The following SYT16 variants were observed in gnomAD, a reference collection of about 807,000 sequenced individuals.
SYT16 encodes synaptotagmin 16, also known as synaptotagmin-16.
A neutral mutation model predicts 61.4 loss-of-function variants in SYT16; 42 were observed. The ratio of observed to expected loss-of-function variants is 0.68; its 90% CI spans 0.53 to 0.89. SYT16 has a LOEUF of 0.89. Among genes scored for constraint, SYT16 ranks in the 40% least tolerant of loss-of-function variants. The pLI, the probability that SYT16 is intolerant of heterozygous loss-of-function variation, is 0.00. For synonymous variants in SYT16, 314 were observed against 302.3 expected, an observed-to-expected ratio of 1.04 and a Z score of -0.40; for missense variants, 804 against 807.3, an observed-to-expected ratio of 1.00 and a Z score of 0.05.
At chr14:61,910,605 A>G (rs1210028162) in intron 1 of SYT16, among the ~76,000 whole-genome samples, 1 of 148,824 alleles carries the variant, frequency 6.7e-6, no homozygotes, top group Non-Finnish European at 1.5e-5. Context: ...ATCTCAGCTC[A>G]CTGCAACCTC....
rs76410928 is a variant in SYT16, at chr14:61,906,755, G to A, written c.-324-63377G>A. On this transcript the variant is annotated intron_variant, in intron 1 of 7. Coordinates refer to ENST00000683842, the MANE Select transcript of SYT16 (RefSeq NM_001367656.1). ...CATCCATCCATCCATCCATCCTTCCGTCCGTCCGTCAATCCATCCATCCGT... is the reference window on the plus strand; with the variant it reads ...CATCCATCCATCCATCCATCCTTCCATCCGTCCGTCAATCCATCCATCCGT... Among the ~76,000 whole-genome samples the A allele has an allele frequency of 2.8e-3, 254 of 89,974 alleles. 1 individual carries two copies. The highest frequency in any genetic ancestry group is 0.012 in the African/African-American group (240 of 19,354). 59.0% of individuals were successfully genotyped at this position (89,974 alleles called of 152,430 possible). A position where few individuals can be genotyped will look rare whatever the true frequency, so the allele number is the denominator to read the frequency against.
intron 1 of SYT16, among the ~76,000 whole-genome samples, chr14:61,838,542 T>C (rs940491993): frequency 1.3e-5 from 2 of 152,214 alleles, no homozygotes; most frequent in African/African-American, 4.8e-5. Flanking sequence ...ACGAGGTCTG[T>C]GTTTCTGACA....
chr14:61,997,648 G>A (rs2052822432), intron 3 of SYT16, among the ~76,000 whole-genome samples: 1 of 152,026 alleles, frequency 6.6e-6, no homozygotes, highest in Non-Finnish European at 1.5e-5. Context: ...TTCTGAACCT[G>A]ATAAGCTGTA....
chr14:61,896,722 A>G (rs761177319), intron 1 of SYT16, among the ~76,000 whole-genome samples: 6 of 152,234 alleles, frequency 3.9e-5, no homozygotes, highest in Admixed American at 1.3e-4. Flanking sequence ...AAAAATGAAT[A>G]TATAATAGTG....
intron 7 of SYT16, among the ~76,000 whole-genome samples, chr14:62,096,808 A>G: frequency 6.6e-6 from 1 of 152,156 alleles, no homozygotes; most frequent in African/African-American, 2.4e-5. Flanking sequence ...GCAATGTTTT[A>G]TTTCTTAAAA....
At chr14:61,973,503 T>C (rs2051652256) in intron 2 of SYT16, among the ~76,000 whole-genome samples, 1 of 152,154 alleles carries the variant, frequency 6.6e-6, no homozygotes. Flanking sequence ...GAAGGATGGA[T>C]ATCAGTTGGA....
At chr14:61,841,063 C>T (rs2046287806) in intron 1 of SYT16, among the ~76,000 whole-genome samples, 12 of 152,114 alleles carry the variant, frequency 7.9e-5, no homozygotes, top group Admixed American at 7.9e-4. Flanking sequence ...GACTAGTAAC[C>T]AATTTGGCTT....
intron 5 of SYT16, among the ~76,000 whole-genome samples, chr14:62,080,201 A>G (rs1454824609): frequency 1.3e-5 from 2 of 152,234 alleles, no homozygotes; most frequent in African/African-American, 4.8e-5. Context: ...AGCCGAGGCT[A>G]GCAGCGTCAA....
chr14:62,013,488 G>A (rs976379969), intron 3 of SYT16, among the ~76,000 whole-genome samples: 1 of 152,192 alleles, frequency 6.6e-6, no homozygotes, highest in African/African-American at 2.4e-5. Context: ...TGTATTTGCA[G>A]TCTCCATTTC....
chr14:61,829,970 A>G lies in SYT16; in HGVS notation c.-325+17160A>G, dbSNP rs555130942. Among the ~76,000 whole-genome samples, 12 of 152,222 alleles carry G rather than the reference A, an allele frequency of 7.9e-5. No homozygotes were observed. The South Asian group carries it at 2.5e-3, about 32-fold the overall frequency. The stretch of plus-strand genomic sequence containing the variant: ...TGCCCGGCTTTATTGATATATTTTC[A>G]AGATCACTGATCTCTTTCCTCTGTC... On this transcript the variant is annotated intron_variant, in intron 1 of 7. Transcript: ENST00000683842.
chr14:61,851,154 T>A (rs1414693119), intron 1 of SYT16, among the ~76,000 whole-genome samples: 2 of 152,074 alleles, frequency 1.3e-5, no homozygotes, highest in Non-Finnish European at 2.9e-5. Context: ...AGTGAGAACA[T>A]GTGGTGTTTG....
intron 3 of SYT16, among the ~76,000 whole-genome samples, chr14:62,040,688 T>C (rs1422168070): frequency 6.6e-6 from 1 of 152,230 alleles, no homozygotes; most frequent in Non-Finnish European, 1.5e-5. Context: ...CTTATCCATG[T>C]TCCTCTGTAC....
intron 1 of SYT16, among the ~76,000 whole-genome samples, chr14:61,893,193 T>C (rs1264891157): frequency 6.6e-6 from 1 of 152,208 alleles, no homozygotes; most frequent in Non-Finnish European, 1.5e-5. Flanking sequence ...AAAGTGAATG[T>C]GGTTTGGGGA....
intron 1 of SYT16, among the ~76,000 whole-genome samples, chr14:61,967,974 G>T (rs1375587626): frequency 6.6e-6 from 1 of 152,078 alleles, no homozygotes; most frequent in African/African-American, 2.4e-5. Flanking sequence ...AGAAAGTGGA[G>T]ATGAGGCTGG....
intron 7 of SYT16, among the ~76,000 whole-genome samples, chr14:62,088,586 C>T (rs2140994132): frequency 6.6e-6 from 1 of 152,222 alleles, no homozygotes; most frequent in South Asian, 2.1e-4. Context: ...GTGAATGGCA[C>T]TGAGCTTTGT....
At chr14:62,005,220 C>T (rs2053173442) in intron 3 of SYT16, among the ~76,000 whole-genome samples, 1 of 152,162 alleles carries the variant, frequency 6.6e-6, no homozygotes, top group African/African-American at 2.4e-5. Context: ...AGAGCAGGTC[C>T]TATCTAAACA....
In SYT16 at chr14:61,966,317, C is replaced by A. The variant is rs184239154; in HGVS notation, c.-324-3815C>A. Among the ~76,000 whole-genome samples, 988 of 151,738 alleles carry A rather than the reference C, an allele frequency of 6.5e-3. 7 individuals are homozygous for A. The highest frequency in any genetic ancestry group is 0.019 in the South Asian group (90 of 4,798). On this transcript the variant is annotated intron_variant, in intron 1 of 7. Transcript: ENST00000683842. The stretch of plus-strand genomic sequence containing the variant: ...AATATAAGCATATGAAATAGTATAT[C>A]AATTATGATTAAAAAAAGTTAAGAA...
chr14:62,085,526 G>T (rs7146007), intron 7 of SYT16, among the ~76,000 whole-genome samples: 40,848 of 152,052 alleles, frequency 0.27, 7,448 homozygotes, highest in African/African-American at 0.52. Context: ...TCAGGCCTCA[G>T]GTATCAGCAG....
rs139509700 is a variant in SYT16 at position 62,074,577 on chromosome 14, A to G, written c.737-558A>G. On this transcript the variant is annotated intron_variant, in intron 4 of 7. Coordinates refer to ENST00000683842, the MANE Select transcript of SYT16 (RefSeq NM_001367656.1). Reference sequence around the variant, plus strand: ...TGATGGCTTTTATCATTTTTTAGATAAAGAAGCAAAGATTCAGAGAATTTG... The same window carrying G: ...TGATGGCTTTTATCATTTTTTAGATGAAGAAGCAAAGATTCAGAGAATTTG... 4.5e-3 allele frequency among the ~76,000 whole-genome samples: 680 copies of G among 152,268 alleles called. 12 individuals carry two copies. Among genetic ancestry groups the G allele is most frequent in the African/African-American group, 0.015 (635 of 41,568 alleles).
Sources: allele counts gnomAD v4.1 joint callset (sites outside exome capture counted in the v4.1 genomes callset), GRCh38; gene constraint gnomAD v4.1.1; transcripts MANE v1.5; gene names NCBI Gene and HGNC (gene_info 2026-07-23, HGNC 2026-07-21).